The following EVA1C variants were observed in gnomAD, a reference collection of about 807,000 sequenced individuals.
EVA1C encodes the protein eva-1 homolog C, also known as protein eva-1 homolog C.
EVA1C carries 25 observed loss-of-function variants against 45.4 expected under a neutral mutation model. The observed-to-expected ratio is 0.55, with a 90% confidence interval of 0.40 to 0.77. The LOEUF (loss-of-function observed/expected upper bound fraction) is 0.77, where lower values mean the gene tolerates loss of function less well. Among genes scored for constraint, EVA1C ranks in the 30% least tolerant of loss-of-function variants. EVA1C has a pLI of 0.00. For missense variants in EVA1C, 479 were observed against 554.8 expected (o/e 0.86, Z 1.37); for synonymous variants, 190 against 221.2 (o/e 0.86, Z 1.25).
At chr21:32,461,552 C>A (rs2146281712) in intron 3 of EVA1C, among the ~76,000 whole-genome samples, 1 of 152,298 alleles carries the variant, frequency 6.6e-6, no homozygotes, top group African/African-American at 2.4e-5. Context: ...TGTGATTGTC[C>A]AAAGGCTGCA....
intron 5 of EVA1C, among the ~76,000 whole-genome samples, chr21:32,499,956 G>A (rs549455875): frequency 2.0e-5 from 3 of 152,256 alleles, no homozygotes; most frequent in African/African-American, 4.8e-5. Flanking sequence ...AGTCGGTCAC[G>A]CTGCCATCCT....
intron 1 of EVA1C, among the ~76,000 whole-genome samples, chr21:32,418,267 C>T (rs1042119205): frequency 2.0e-5 from 3 of 152,028 alleles, no homozygotes; most frequent in South Asian, 2.1e-4. Flanking sequence ...AAAAACAAAC[C>T]AAATGTCCGA....
At chr21:32,419,590 C>CT (rs2034183644) in intron 1 of EVA1C, among the ~76,000 whole-genome samples, 1 of 152,188 alleles carries the variant, frequency 6.6e-6, no homozygotes, top group African/African-American at 2.4e-5. Context: ...TGGCATGCTC[C>CT]TGTAATCCCA....
At chr21:32,418,553 G>C (rs58793912) in intron 1 of EVA1C, among the ~76,000 whole-genome samples, 1 of 151,944 alleles carries the variant, frequency 6.6e-6, no homozygotes, top group Non-Finnish European at 1.5e-5. Flanking sequence ...TTTCATCCTC[G>C]TAGCAACTCT....
At chr21:32,469,318 A>G (rs2036291918) in intron 4 of EVA1C, among the ~76,000 whole-genome samples, 1 of 152,152 alleles carries the variant, frequency 6.6e-6, no homozygotes, top group Non-Finnish European at 1.5e-5. Context: ...TCCTGCAAAG[A>G]GGTGCAATTT....
chr21:32,465,515 A>G (rs2036141093), intron 3 of EVA1C, among the ~76,000 whole-genome samples: 1 of 152,258 alleles, frequency 6.6e-6, no homozygotes, highest in Non-Finnish European at 1.5e-5. Context: ...GTGATAGGGT[A>G]GAGCTAGCAT....
intron 4 of EVA1C, among the ~76,000 whole-genome samples, chr21:32,491,874 GT>G (rs1452761903): frequency 6.6e-6 from 1 of 151,924 alleles, no homozygotes; most frequent in Non-Finnish European, 1.5e-5. Flanking sequence ...GCTGGAAAGA[GT>G]AAAGACAATC....
intron 1 of EVA1C, among the ~76,000 whole-genome samples, chr21:32,440,112 G>A (rs868723541): frequency 6.6e-6 from 1 of 152,012 alleles, no homozygotes; most frequent in African/African-American, 2.4e-5. Context: ...ATTGGTTAGC[G>A]ACCCTGAGTG....
intron 1 of EVA1C, among the ~76,000 whole-genome samples, chr21:32,425,150 AAAACAAAC>A (rs56144507): frequency 1.3e-5 from 2 of 148,834 alleles, no homozygotes; most frequent in Non-Finnish European, 3.0e-5. Context: ...ATCTCTACTA[AAAACAAAC>A]AAACAAACAA....
intron 6 of EVA1C, among the ~76,000 whole-genome samples, chr21:32,502,016 CTTTCTTTCTTTCTTTCTTTCTT>C: frequency 7.4e-6 from 1 of 135,950 alleles, no homozygotes; most frequent in Non-Finnish European, 1.5e-5. Context: ...TTCTTTCTTT[CTTTCTTTCTTTCTTTCTTTCTT>C]TCTTTCTTTC....
At chr21:32,463,891 G>A (rs531253975) in intron 3 of EVA1C, among the ~76,000 whole-genome samples, 1 of 152,112 alleles carries the variant, frequency 6.6e-6, no homozygotes, top group Non-Finnish European at 1.5e-5. Context: ...CTCTGCCATG[G>A]GAAGGCATTC....
At position 32,501,489 on chromosome 21, in the gene EVA1C, G is replaced by A; in HGVS notation, c.853G>A (p.Glu285Lys). Residue 285 changes from glutamate to lysine, a missense_variant, in exon 6 of 8, where the codon GAA becomes AAA. By Grantham distance (56) the Glu-to-Lys change is moderately conservative. Transcript: ENST00000300255. ...LKPSLKQKDG[E>K]YGINFDPSGS... ...ACCTTCTTTGAAGCAGAAAGATGGTGAATATGGTAATTTTTATGGCTTACT... is the reference window on the plus strand; with the variant it reads ...ACCTTCTTTGAAGCAGAAAGATGGTAAATATGGTAATTTTTATGGCTTACT... The A allele has an allele frequency of 6.3e-7, 1 of 1,594,204 alleles. No individual in the cohort carries two copies. Among genetic ancestry groups the A allele is most frequent in the South Asian group, 1.1e-5 (1 of 90,404 alleles).
intron 1 of EVA1C, among the ~76,000 whole-genome samples, chr21:32,420,994 T>C (rs1233883535): frequency 1.3e-5 from 2 of 152,366 alleles, no homozygotes; most frequent in Non-Finnish European, 2.9e-5. Flanking sequence ...ATAAGTAATG[T>C]CCATTCCTTG....
At chr21:32,425,262 G>T (rs2034444659) in intron 1 of EVA1C, among the ~76,000 whole-genome samples, 1 of 150,268 alleles carries the variant, frequency 6.7e-6, no homozygotes, top group Admixed American at 6.7e-5. Context: ...TTGAACCCAG[G>T]AGGCGGAGGT....
At chr21:32,467,923 C>CTA (rs1430142605) in intron 4 of EVA1C, 75 bp downstream of exon 4, 4 of 722,728 alleles carry the variant, frequency 5.5e-6, no homozygotes, top group Non-Finnish European at 7.5e-6. Flanking sequence ...TATATATATC[C>CTA]TATATATATC....
At chr21:32,467,670 G>A (rs756960886) in intron 3 of EVA1C, 26 bp from the exon 4 acceptor site, 16 of 1,590,554 alleles carry the variant, frequency 1.0e-5, no homozygotes, top group Non-Finnish European at 2.6e-6. Flanking sequence ...AGCTGATGGT[G>A]CCTTCAATTT....
chr21:32,472,752 G>A (rs1230566114), intron 4 of EVA1C, among the ~76,000 whole-genome samples: 1 of 152,332 alleles, frequency 6.6e-6, no homozygotes, highest in Non-Finnish European at 1.5e-5. Context: ...CAGTGTTAAC[G>A]CCCTCAGAAA....
rs376056990 is a variant in EVA1C, at chr21:32,515,215, C to A, written c.*25C>A. 20 of 1,536,182 alleles carry A rather than the reference C, an allele frequency of 1.3e-5. No homozygotes were observed. Among genetic ancestry groups the A allele is most frequent in the African/African-American group, 4.1e-5 (3 of 72,598 alleles). On this transcript the variant is annotated 3_prime_UTR_variant, in exon 8 of 8. Coordinates refer to ENST00000300255, the MANE Select transcript of EVA1C (RefSeq NM_058187.5). The stretch of plus-strand genomic sequence containing the variant: ...AAAACCACATGCATCTTGATGCGAT[C>A]GCACTTTCTGAAGAAGGAAGGATCC...
At chr21:32,506,335 T>G (rs1431010088) in intron 7 of EVA1C, among the ~76,000 whole-genome samples, 3 of 150,014 alleles carry the variant, frequency 2.0e-5, no homozygotes, top group Non-Finnish European at 3.0e-5. Flanking sequence ...GCTTATGAGC[T>G]TTTTCCTGTG....
Sources: gnomAD v4.1 joint callset for allele counts (sites outside exome capture counted in the v4.1 genomes callset) on GRCh38, gnomAD v4.1.1 for gene constraint, MANE v1.5 for transcripts, NCBI Gene and HGNC (gene_info 2026-07-23, HGNC 2026-07-21) for gene names.